PIEZO2: variants seen among roughly 807,000 people sequenced by gnomAD.
The protein encoded by PIEZO2 is piezo type mechanosensitive ion channel component 2, also known as piezo-type mechanosensitive ion channel component 2.
PIEZO2 carries 172 observed loss-of-function variants against 337.3 expected under a neutral mutation model. The observed-to-expected ratio is 0.51, with a 90% CI of 0.45 to 0.58. PIEZO2 has a LOEUF of 0.58. Among genes scored for constraint, PIEZO2 ranks in the 20% least tolerant of loss-of-function variants. The pLI, the probability that PIEZO2 is intolerant of heterozygous loss-of-function variation, is 0.00. For missense variants in PIEZO2, 3,028 were observed against 3,391.3 expected, an observed-to-expected ratio of 0.89 and a Z score of 2.66; for synonymous variants, 1,251 against 1,228.5, an observed-to-expected ratio of 1.02 and a Z score of -0.38.
intron 31 of PIEZO2, 88 bp downstream of exon 31, chr18:10,744,054 T>C (rs560532954): frequency 3.7e-5 from 34 of 923,504 alleles, no homozygotes; most frequent in Admixed American, 1.0e-4. Flanking sequence ...TTTTCAGGGG[T>C]TTGAGGCTCC....
Position 10,795,351 on chromosome 18 carries a change from A to ATTTTATTTTATTATTTTATTTTATT in PIEZO2, c.1528-350_1528-349insAATAAAATAAAATAATAAAATAAAA, listed in dbSNP as rs1555648418. ...ATTTTATTTTATTTTATTTTATTTT[A>ATTTTATTTTATTATTTTATTTTATT]TTATTTTATTTTATTTTATTTTATT... On this transcript the variant is annotated intron_variant, in intron 12 of 55. Coordinates refer to ENST00000674853, the MANE Select transcript of PIEZO2 (RefSeq NM_001378183.1). The surrounding 1 kb of genome is among the most constrained non-coding windows in gnomAD (Gnocchi z 4.4). 9.7e-5 allele frequency among the ~76,000 whole-genome samples: 2 copies of ATTTTATTTTATTATTTTATTTTATT among 20,518 alleles called. No individual in the cohort carries two copies. The highest frequency in any genetic ancestry group is 2.8e-4 in the African/African-American group (2 of 7,136). The allele number at this position is 20,518 out of a possible 152,430, so 13.5% of individuals were successfully genotyped here. A position where few individuals can be genotyped will look rare whatever the true frequency, so the allele number is the denominator to read the frequency against.
chr18:10,907,445 A>C (rs564352575), intron 4 of PIEZO2, among the ~76,000 whole-genome samples: 2 of 67,826 alleles, frequency 2.9e-5, no homozygotes, highest in East Asian at 6.2e-4. Flanking sequence ...CTCTGTCTCA[A>C]AAAAAAAAAA....
chr18:10,710,325 T>C (rs894362218), intron 39 of PIEZO2, among the ~76,000 whole-genome samples: 4 of 152,022 alleles, frequency 2.6e-5, no homozygotes, highest in Non-Finnish European at 4.4e-5. Flanking sequence ...AGGAAATGTA[T>C]AAAAATAGGC....
chr18:10,898,218 G>A (rs1052075566), intron 4 of PIEZO2, among the ~76,000 whole-genome samples: 18 of 152,250 alleles, frequency 1.2e-4, no homozygotes, highest in Admixed American at 5.9e-4. Context: ...ATATGAGATC[G>A]AGACCATCCT....
At position 11,110,368 on chromosome 18, in the gene PIEZO2, A is replaced by C. The variant is rs547030402; in HGVS notation, c.64+38157T>G. ...GAAATATCGTTTTATTTAAGAAGAC[A>C]GTAGAAAGATCATCCCACCCTGGGA... On this transcript the variant is annotated intron_variant, in intron 1 of 55. Coordinates refer to ENST00000674853, the MANE Select transcript of PIEZO2 (RefSeq NM_001378183.1). This position sits in a 1 kb window ranked among gnomAD's most constrained non-coding sequence, Gnocchi z 4.2. 1.3e-5 allele frequency among the ~76,000 whole-genome samples: 2 copies of C among 152,362 alleles called. No individual in the cohort carries two copies. The highest frequency in any genetic ancestry group is 4.1e-4 in the South Asian group (2 of 4,822).
intron 7 of PIEZO2, among the ~76,000 whole-genome samples, chr18:10,811,868 C>G (rs2040201528): frequency 6.6e-6 from 1 of 152,226 alleles, no homozygotes; most frequent in Non-Finnish European, 1.5e-5. Flanking sequence ...GAGTCTCGCT[C>G]TGTCGCCCAG....
intron 18 of PIEZO2, among the ~76,000 whole-genome samples, chr18:10,778,043 C>T (rs1419516531): frequency 6.6e-6 from 1 of 152,156 alleles, no homozygotes; most frequent in Non-Finnish European, 1.5e-5. Context: ...TACCTTACAA[C>T]TTGTAAAGTC....
At chr18:11,071,460 C>T (rs1045555676) in intron 1 of PIEZO2, among the ~76,000 whole-genome samples, 1 of 152,166 alleles carries the variant, frequency 6.6e-6, no homozygotes, top group African/African-American at 2.4e-5. Flanking sequence ...GAGAGCAAAA[C>T]GGAAATGAGA....
intron 7 of PIEZO2, among the ~76,000 whole-genome samples, chr18:10,818,048 T>C (rs1354706449): frequency 1.3e-5 from 2 of 152,172 alleles, no homozygotes; most frequent in Non-Finnish European, 2.9e-5. Flanking sequence ...TTTTTTCTTA[T>C]TTTTTGAGTT....
At chr18:10,902,563 C>T (rs183808755) in intron 4 of PIEZO2, among the ~76,000 whole-genome samples, 1 of 152,248 alleles carries the variant, frequency 6.6e-6, no homozygotes, top group Admixed American at 6.5e-5. Flanking sequence ...TGACACCCCT[C>T]CTCCCAAAAA....
At position 10,748,669 on chromosome 18, in the gene PIEZO2, T is replaced by C. The variant is rs763204596; in HGVS notation, c.4265-39A>G. ...AGAAAAACACACATTAAAATTAACA[T>C]CCATTTTCATTGTAATTTTATAAAA... On this transcript the variant is annotated intron_variant, in intron 29 of 55. Transcript: ENST00000674853. The surrounding 1 kb of genome is among the most constrained non-coding windows in gnomAD (Gnocchi z 5.1). 22 of 1,391,000 alleles carry C rather than the reference T, an allele frequency of 1.6e-5. No homozygotes were observed. The highest frequency in any genetic ancestry group is 2.1e-5 in the Non-Finnish European group (22 of 1,070,038). The allele number at this position is 1,391,000 out of a possible 1,614,324, so 86.2% of individuals were successfully genotyped here.
intron 36 of PIEZO2, among the ~76,000 whole-genome samples, chr18:10,723,518 GT>G (rs2036407743): frequency 6.6e-6 from 1 of 152,142 alleles, no homozygotes; most frequent in South Asian, 2.1e-4. Context: ...ACTAGTGAGG[GT>G]TTTGTTTTGT....
intron 20 of PIEZO2, among the ~76,000 whole-genome samples, chr18:10,771,220 C>T (rs1251398548): frequency 6.6e-6 from 1 of 152,218 alleles, no homozygotes; most frequent in Non-Finnish European, 1.5e-5. Flanking sequence ...AAAAGTGAAC[C>T]AGTCAGAGCC....
chr18:11,040,661 G>A (rs1278170484), intron 2 of PIEZO2, among the ~76,000 whole-genome samples: 4 of 152,078 alleles, frequency 2.6e-5, no homozygotes, highest in African/African-American at 4.8e-5. Flanking sequence ...GAGTAGAGAC[G>A]TCTCTTTCTG....
rs1037105395 is a variant in PIEZO2, at chr18:10,794,986, T to C, written c.1544A>G (p.Tyr515Cys). ...LIAMMAWSIT[Y>C]HSWLTFVLLI... The stretch of plus-strand genomic sequence containing the variant: ...CAGCACGAAGGTCAGCCAGCTGTGA[T>C]AGGTGATGCTCCAGGCCTCCGGAGG... Residue 515 changes from tyrosine to cysteine, a missense_variant, in exon 13 of 56, where the codon TAT becomes TGT. Tyr to Cys is a radical substitution (Grantham distance 194). Around this residue, in one of 5 missense-constraint regions of PIEZO2, gnomAD observed 50 missense variants for 88.2 expected, o/e 0.57. Transcript: ENST00000674853. The surrounding 1 kb of genome is among the most constrained non-coding windows in gnomAD (Gnocchi z 6.6). 7 of 1,547,956 alleles carry C rather than the reference T, an allele frequency of 4.5e-6. No homozygotes were observed. The highest frequency in any genetic ancestry group is 2.4e-5 in the South Asian group (2 of 84,060).
intron 12 of PIEZO2, among the ~76,000 whole-genome samples, 178 bp downstream of exon 12, chr18:10,797,196 A>G (rs529095147): frequency 7.3e-6 from 1 of 136,496 alleles, no homozygotes; most frequent in Admixed American, 7.3e-5. Context: ...TATCATACAT[A>G]CCATCATATC....
At chr18:10,711,957 T>A (rs1188411301) in intron 39 of PIEZO2, among the ~76,000 whole-genome samples, 1 of 147,126 alleles carries the variant, frequency 6.8e-6, no homozygotes, top group Admixed American at 7.0e-5. Flanking sequence ...AGCAGTGGGA[T>A]GCGTGTGAAT....
chr18:10,857,716 G>C (rs567356447), intron 5 of PIEZO2, among the ~76,000 whole-genome samples: 1 of 152,128 alleles, frequency 6.6e-6, no homozygotes, highest in Non-Finnish European at 1.5e-5. Flanking sequence ...GAGTGGTCCC[G>C]GGCTTCTCTT....
chr18:11,046,855 G>T (rs1293408031), intron 2 of PIEZO2, among the ~76,000 whole-genome samples: 1 of 152,246 alleles, frequency 6.6e-6, no homozygotes, highest in African/African-American at 2.4e-5. Flanking sequence ...GAGGGCTGAG[G>T]AAGGTGGAAG....
Sources: gnomAD v4.1 joint callset for allele counts (sites outside exome capture counted in the v4.1 genomes callset) on GRCh38, gnomAD v4.1.1 for gene constraint, gnomAD v4.1.1 regional missense constraint, Gnocchi (gnomAD v3.1) non-coding constraint, MANE v1.5 for transcripts, NCBI Gene and HGNC (gene_info 2026-07-23, HGNC 2026-07-21) for gene names.